Variants in EP400 observed in about 807,000 individuals in gnomAD.
EP400 encodes E1A binding protein p400.
In EP400, 105 loss-of-function variants were observed where a neutral mutation model predicts 354.1. The ratio of observed to expected loss-of-function variants is 0.30; its 90% CI spans 0.25 to 0.35. The LOEUF (loss-of-function observed/expected upper bound fraction) is 0.35. Ranked by LOEUF, EP400 falls within the 10% of genes least tolerant of loss-of-function variation. EP400 has a pLI of 1.00. For synonymous variants in EP400, 1,646 were observed against 1,716.9 expected (o/e 0.96, Z 1.02); for missense variants, 3,280 against 4,121.0 (o/e 0.80, Z 5.59).
rs558597822 is a variant in EP400 at position 132,050,204 on chromosome 12, A to C, written c.7201-119A>C. 1.6e-6 allele frequency: 2 copies of C among 1,253,994 alleles called. No individual in the cohort carries two copies. Among genetic ancestry groups the C allele is most frequent in the South Asian group, 2.9e-5 (2 of 69,112 alleles). The allele number at this position is 1,253,994 out of a possible 1,614,324, so 77.7% of individuals were successfully genotyped here. ...TTGGAAAGAAGGCCCAGGAAAAGGA[A>C]GTTTGTGTTCAGCCATGGGGAGTTT... On this transcript the variant is annotated intron_variant, in intron 39 of 52. Transcript: ENST00000389561. This position sits in a 1 kb window ranked among gnomAD's most constrained non-coding sequence, Gnocchi z 4.8.
chr12:132,043,015 C>G (rs1022733071), intron 32 of EP400, among the ~76,000 whole-genome samples: 9 of 152,236 alleles, frequency 5.9e-5, no homozygotes, highest in Non-Finnish European at 1.2e-4. Flanking sequence ...CCTGGGTGCC[C>G]TGGCACGCTT....
chr12:132,031,167 C>T (rs1362088764), intron 29 of EP400: 1 of 484,294 alleles, frequency 2.1e-6, no homozygotes, highest in Non-Finnish European at 4.1e-6. Flanking sequence ...CAAGTCATCT[C>T]CCTTCATGGT....
intron 5 of EP400, among the ~76,000 whole-genome samples, chr12:131,984,356 C>T (rs1411407725): frequency 6.6e-6 from 1 of 152,140 alleles, no homozygotes; most frequent in African/African-American, 2.4e-5. Flanking sequence ...CTTTACCTGA[C>T]AACCTTATGA....
At chr12:131,975,972 A>G (rs1405099939) in intron 2 of EP400, among the ~76,000 whole-genome samples, 4 of 152,284 alleles carry the variant, frequency 2.6e-5, no homozygotes, top group Non-Finnish European at 5.9e-5. Context: ...AAGTGCTGGG[A>G]TTATAGGCAT....
At chr12:132,058,306 A>G (rs1350658639) in intron 45 of EP400, among the ~76,000 whole-genome samples, 2 of 150,474 alleles carry the variant, frequency 1.3e-5, no homozygotes, top group African/African-American at 4.9e-5. Flanking sequence ...ACTTTGTAAT[A>G]TTGAGGCTAG....
intron 4 of EP400, among the ~76,000 whole-genome samples, chr12:131,981,861 G>C (rs541613717): frequency 6.6e-6 from 1 of 152,324 alleles, no homozygotes; most frequent in South Asian, 2.1e-4. Context: ...CCTAATTGCT[G>C]CTGTTGTAGG....
Position 131,986,643 on chromosome 12 carries a change from C to G in EP400, c.2059C>G (p.Pro687Ala). ...GPGPSPARSS[P>A]VNRPSSATNK... is the part of the protein sequence containing the mutation. ...AGGACCCTCCCCTGCTCGATCCTCT[C>G]CAGTAAATAGACCTTCCTCAGCCAC... is the stretch of plus-strand genomic sequence containing the variant. The change falls in exon 6 of 53, where the codon CCA becomes GCA. Residue 687 changes from proline (P) to alanine (A), a missense_variant. By Grantham distance (27) the Pro-to-Ala change is conservative (BLOSUM62 -1). This residue lies in a region of EP400 where 800 missense variants were observed against 840.0 expected (regional missense o/e 0.95). Coordinates refer to ENST00000389561, the MANE Select transcript of EP400 (RefSeq NM_015409.5). 3 of 1,614,130 alleles carry G rather than the reference C, an allele frequency of 1.9e-6. No individual in the cohort carries two copies. The highest frequency in any genetic ancestry group is 2.2e-5 in the East Asian group (1 of 44,874).
At chr12:131,960,182 G>A (rs1891831337) in intron 1 of EP400, among the ~76,000 whole-genome samples, 1 of 152,188 alleles carries the variant, frequency 6.6e-6, no homozygotes, top group Non-Finnish European at 1.5e-5. Flanking sequence ...TGCTGGCTGC[G>A]TGGCCTTGAA....
chr12:132,055,501 GGTGT>G (rs373358056), intron 45 of EP400, among the ~76,000 whole-genome samples: 3 of 128,344 alleles, frequency 2.3e-5, no homozygotes, highest in East Asian at 2.6e-4. Flanking sequence ...GTGAGGTGTA[GGTGT>G]GTGTGTGTGA....
At position 132,027,005 on chromosome 12, in the gene EP400, TGGACTTCCTGCCGGG is replaced by T. The variant is rs983144298; in HGVS notation, c.5015-430_5015-416del. ...CTCTGTTGCAGTTGTGAGGACTGGG[TGGACTTCCTGCCGGG>T]GCTGGGCTGCTCATGGCAGGCAAGG... On this transcript the variant is annotated intron_variant, in intron 25 of 52. Transcript: ENST00000389561. The surrounding 1 kb of genome is among the most constrained non-coding windows in gnomAD (Gnocchi z 4.9). 6.6e-6 allele frequency among the ~76,000 whole-genome samples: 1 copy of T among 152,112 alleles called. No individual in the cohort carries two copies. Among genetic ancestry groups the T allele is most frequent in the Non-Finnish European group, 1.5e-5 (1 of 68,020 alleles).
chr12:132,067,572 C>T lies in EP400; in HGVS notation c.8874+86C>T. The T allele has an allele frequency of 2.0e-6, 3 of 1,524,500 alleles. No homozygotes were observed. The highest frequency in any genetic ancestry group is 2.6e-6 in the Non-Finnish European group (3 of 1,137,848). 94.4% of individuals were successfully genotyped at this position (1,524,500 alleles called of 1,614,324 possible). The stretch of plus-strand genomic sequence containing the variant: ...GGAGAGGGTCCTAAGCAGACAAATC[C>T]CCATGTGGCGGCTCACGCTTTTCAG... On this transcript the variant is annotated intron_variant, in intron 50 of 52. Transcript: ENST00000389561. The surrounding 1 kb of genome is among the most constrained non-coding windows in gnomAD (Gnocchi z 5.3).
At chr12:132,042,320 C>T (rs1894940890) in intron 32 of EP400, among the ~76,000 whole-genome samples, 1 of 152,178 alleles carries the variant, frequency 6.6e-6, no homozygotes, top group African/African-American at 2.4e-5. Context: ...TTGTTTGATA[C>T]ACTTGACATA....
intron 15 of EP400, among the ~76,000 whole-genome samples, chr12:132,007,500 T>C (rs780559448): frequency 2.0e-5 from 3 of 151,498 alleles, no homozygotes; most frequent in Non-Finnish European, 4.4e-5. Flanking sequence ...TTCCAGTCTT[T>C]AGAGTCAGCT....
At chr12:131,966,927 CT>C (rs1744762188) in intron 2 of EP400, among the ~76,000 whole-genome samples, 1 of 128,542 alleles carries the variant, frequency 7.8e-6, no homozygotes, top group African/African-American at 3.4e-5. Flanking sequence ...AAAAAAAAAC[CT>C]ATGTGTAGTG....
At chr12:131,972,019 G>A (rs751217063) in intron 2 of EP400, among the ~76,000 whole-genome samples, 1 of 152,098 alleles carries the variant, frequency 6.6e-6, no homozygotes, top group African/African-American at 2.4e-5. Context: ...AAACCAAGGA[G>A]CCTCCATTTT....
In EP400 at chr12:132,029,868, A is replaced by T. The variant is rs774725541; in HGVS notation, c.5549A>T (p.Gln1850Leu). Residue 1850 changes from glutamine to leucine, a missense_variant, in exon 28 of 53, where the codon CAG (glutamine) becomes CTG (leucine). By Grantham distance (113) the Gln-to-Leu change is moderately radical. This residue lies in a region of EP400 where 459 missense variants were observed against 496.9 expected (regional missense o/e 0.92). Coordinates refer to ENST00000389561, the MANE Select transcript of EP400 (RefSeq NM_015409.5). The surrounding 1 kb of genome is among the most constrained non-coding windows in gnomAD (Gnocchi z 4.7). ...LRQTTAPRLL[Q>L]FPELRLVQFD... is the part of the protein sequence containing the mutation. ...CAGACCACGGCTCCACGCCTGCTGC[A>T]GTTCCCTGAGCTGAGGCTGGTGCAG... The T allele has an allele frequency of 4.3e-6, 7 of 1,612,906 alleles. No homozygotes were observed. In the South Asian group the frequency reaches 7.7e-5, roughly 18 times the overall value.
At position 132,064,678 on chromosome 12, in the gene EP400, T is replaced by C; in HGVS notation, c.8345T>C (p.Ile2782Thr). ...TTGCTTGTATTTTAGGAACACCTCA[T>C]CAAAATGCAGAAGCAGAAACTGCAG... ...AVGKLTPEHL[I>T]KMQKQKLQMP... is the part of the protein sequence containing the mutation. Residue 2782 changes from isoleucine to threonine, a missense_variant, in exon 48 of 53, where the codon ATC becomes ACC. Ile to Thr is a moderately conservative substitution (Grantham distance 89, BLOSUM62 -1). Around this residue, in one of 20 missense-constraint regions of EP400, gnomAD observed 47 missense variants for 55.6 expected, o/e 0.85. Transcript: ENST00000389561. 8 of 1,612,130 alleles carry C rather than the reference T, an allele frequency of 5.0e-6. No homozygotes were observed. The highest frequency in any genetic ancestry group is 6.8e-6 in the Non-Finnish European group (8 of 1,178,572).
At position 132,053,585 on chromosome 12, in the gene EP400, T is replaced by C. The variant is rs753477762; in HGVS notation, c.7716T>C (p.Ser2572=). 6.4e-7 allele frequency: 1 copy of C among 1,560,432 alleles called. No homozygotes were observed. Among genetic ancestry groups the C allele is most frequent in the East Asian group, 2.3e-5 (1 of 43,254 alleles). ...KAQPAITTGG[S]AAVLAGTIKT... Reference sequence around the variant, plus strand: ...AGCCCGCAATCACGACGGGGGGCAGTGCAGCCGTACTGGTGAGCAGGGGCC... The same window carrying C: ...AGCCCGCAATCACGACGGGGGGCAGCGCAGCCGTACTGGTGAGCAGGGGCC... Residue 2572 remains serine (S), a synonymous_variant, in exon 43 of 53, where the codon AGT becomes AGC. Coordinates refer to ENST00000389561, the MANE Select transcript of EP400 (RefSeq NM_015409.5).
rs187804597 is a variant in EP400, at chr12:132,058,685, C to T, written c.7885-3425C>T. On this transcript the variant is annotated intron_variant, in intron 45 of 52. Transcript: ENST00000389561. Reference sequence around the variant, plus strand: ...ATTTTATTCACCAGGCAGTGGGGAGCCCTTAACGGTCTTAGAGCAGAGAGA... The same window carrying T: ...ATTTTATTCACCAGGCAGTGGGGAGTCCTTAACGGTCTTAGAGCAGAGAGA... Among the ~76,000 whole-genome samples the T allele has an allele frequency of 4.9e-3, 747 of 152,146 alleles. 6 individuals carry two copies. The highest frequency in any genetic ancestry group is 0.017 in the African/African-American group (710 of 41,498).
Sources: gnomAD v4.1 joint callset for allele counts (sites outside exome capture counted in the v4.1 genomes callset) on GRCh38, gnomAD v4.1.1 for gene constraint, gnomAD v4.1.1 regional missense constraint, Gnocchi (gnomAD v3.1) non-coding constraint, MANE v1.5 for transcripts, NCBI Gene and HGNC (gene_info 2026-07-23, HGNC 2026-07-21) for gene names.